The following NEGR1 variants were observed in gnomAD, a reference collection of about 807,000 sequenced individuals.
The protein encoded by NEGR1 is IgLON family member 4.
NEGR1 carries 10 observed loss-of-function variants against 40.9 expected under a neutral mutation model. That is an observed-to-expected ratio of 0.24 (90% CI 0.15 to 0.42). NEGR1 has a LOEUF of 0.42. NEGR1 is among the 10% of genes least tolerant of loss of function. NEGR1 has a pLI of 1.00. For missense variants in NEGR1, 352 were observed against 438.9 expected, an observed-to-expected ratio of 0.80 and a Z score of 1.77; for synonymous variants, 185 against 166.8, an observed-to-expected ratio of 1.11 and a Z score of -0.84.
chr1:72,047,989 T>C (rs1647018258), intron 1 of NEGR1, among the ~76,000 whole-genome samples: 2 of 151,634 alleles, frequency 1.3e-5, no homozygotes, highest in African/African-American at 2.4e-5. Context: ...AATCTAGCTT[T>C]ATGTAAAACA....
intron 3 of NEGR1, among the ~76,000 whole-genome samples, chr1:71,725,448 C>T (rs1450725864): frequency 6.6e-6 from 1 of 152,066 alleles, no homozygotes; most frequent in Middle Eastern, 3.2e-3. Context: ...TTAACTACAC[C>T]ATCAGCATTC....
intron 6 of NEGR1, among the ~76,000 whole-genome samples, chr1:71,451,085 A>G (rs982713138): frequency 1.3e-5 from 2 of 152,146 alleles, no homozygotes; most frequent in Non-Finnish European, 1.5e-5. Context: ...TCATTTGTCA[A>G]TCAATTACAC....
chr1:71,413,180 C>A (rs1646334372), intron 6 of NEGR1, among the ~76,000 whole-genome samples: 1 of 152,118 alleles, frequency 6.6e-6, no homozygotes, highest in Admixed American at 6.6e-5. Flanking sequence ...TTACAAAGAT[C>A]AAATGTGTTG....
intron 6 of NEGR1, among the ~76,000 whole-genome samples, chr1:71,527,777 GGTT>G (rs1647238872): frequency 6.6e-6 from 1 of 150,968 alleles, no homozygotes; most frequent in African/African-American, 2.4e-5. Context: ...AATTTTAAAA[GGTT>G]GTTTATTATC....
chr1:71,575,700 A>G (rs1015266905), intron 6 of NEGR1, among the ~76,000 whole-genome samples: 4 of 152,106 alleles, frequency 2.6e-5, no homozygotes, highest in Non-Finnish European at 5.9e-5. Context: ...GGAGAATGGC[A>G]TGAACCCGGG....
intron 1 of NEGR1, among the ~76,000 whole-genome samples, chr1:72,002,317 A>T (rs1476410935): frequency 6.6e-6 from 1 of 151,940 alleles, no homozygotes. Context: ...GTTATAAAAT[A>T]AAAAAAATTC....
At chr1:72,249,844 T>A (rs997135749) in intron 1 of NEGR1, among the ~76,000 whole-genome samples, 1 of 152,188 alleles carries the variant, frequency 6.6e-6, no homozygotes, top group Non-Finnish European at 1.5e-5. Context: ...TCTCAACGAA[T>A]ATAAAGCAAC....
At chr1:71,760,167 C>A (rs1052088028) in intron 3 of NEGR1, among the ~76,000 whole-genome samples, 9 of 152,146 alleles carry the variant, frequency 5.9e-5, no homozygotes, top group East Asian at 3.9e-4. Context: ...GAAAAAAAAT[C>A]TTTTATGAAA....
chr1:71,513,195 T>C, intron 6 of NEGR1, among the ~76,000 whole-genome samples: 1 of 152,160 alleles, frequency 6.6e-6, no homozygotes. Flanking sequence ...TGAGGTTTTT[T>C]GTTGTTAACT....
At chr1:72,196,834 A>T (rs1458299743) in intron 1 of NEGR1, among the ~76,000 whole-genome samples, 3 of 151,878 alleles carry the variant, frequency 2.0e-5, no homozygotes, top group Non-Finnish European at 4.4e-5. Flanking sequence ...TTTCTGGCAA[A>T]TTGAGATAAT....
At chr1:71,664,083 A>C (rs1356227033) in intron 4 of NEGR1, among the ~76,000 whole-genome samples, 2 of 152,218 alleles carry the variant, frequency 1.3e-5, no homozygotes, top group Non-Finnish European at 2.9e-5. Flanking sequence ...AGTATAGCTG[A>C]CATCCTTTTT....
chr1:71,451,067 A>G (rs1026636098), intron 6 of NEGR1, among the ~76,000 whole-genome samples: 2 of 152,142 alleles, frequency 1.3e-5, no homozygotes, highest in African/African-American at 4.8e-5. Context: ...CAGACTAGTA[A>G]TCACTTTTCA....
At chr1:71,746,441 G>A (rs1216390013) in intron 3 of NEGR1, among the ~76,000 whole-genome samples, 1 of 152,100 alleles carries the variant, frequency 6.6e-6, no homozygotes, top group Non-Finnish European at 1.5e-5. Flanking sequence ...AAGATTATCT[G>A]GTTATAACTG....
chr1:71,527,658 C>G (rs1342042433), intron 6 of NEGR1, among the ~76,000 whole-genome samples: 2 of 151,282 alleles, frequency 1.3e-5, no homozygotes, highest in Non-Finnish European at 3.0e-5. Flanking sequence ...CTGTGGATTA[C>G]TTATGGGTTT....
At chr1:71,661,226 T>A (rs1247189308) in intron 4 of NEGR1, among the ~76,000 whole-genome samples, 1 of 152,232 alleles carries the variant, frequency 6.6e-6, no homozygotes, top group Non-Finnish European at 1.5e-5. Flanking sequence ...AGTAATGGGA[T>A]TGCTGGGTGA....
chr1:71,738,951 A>G (rs1319164769), intron 3 of NEGR1, among the ~76,000 whole-genome samples: 1 of 152,078 alleles, frequency 6.6e-6, no homozygotes, highest in Non-Finnish European at 1.5e-5. Context: ...CCAAATGTTT[A>G]TGACTAAGGA....
At chr1:71,991,597 C>A (rs1646451963) in intron 1 of NEGR1, among the ~76,000 whole-genome samples, 2 of 152,142 alleles carry the variant, frequency 1.3e-5, no homozygotes, top group Admixed American at 1.3e-4. Flanking sequence ...CACTCTCATA[C>A]AACTTATAAT....
At chr1:71,724,539 T>C (rs1654611819) in intron 3 of NEGR1, among the ~76,000 whole-genome samples, 1 of 152,174 alleles carries the variant, frequency 6.6e-6, no homozygotes, top group Non-Finnish European at 1.5e-5. Flanking sequence ...TGGCATATGT[T>C]GTTAGTTTTA....
intron 2 of NEGR1, among the ~76,000 whole-genome samples, chr1:71,855,079 C>T (rs993752492): frequency 6.6e-6 from 1 of 152,130 alleles, no homozygotes; most frequent in Non-Finnish European, 1.5e-5. Context: ...ATCCTCTACA[C>T]TTCTTATCCT....
Sources: allele counts gnomAD v4.1 joint callset (sites outside exome capture counted in the v4.1 genomes callset), GRCh38; gene constraint gnomAD v4.1.1; transcripts MANE v1.5; gene names NCBI Gene and HGNC (gene_info 2026-07-23, HGNC 2026-07-21).